Variants in KALRN observed in about 807,000 individuals in gnomAD.
KALRN encodes the protein kalirin RhoGEF kinase, also known as kalirin.
KALRN carries 70 observed loss-of-function variants against 353.7 expected under a neutral mutation model. That is an observed-to-expected ratio of 0.20 (90% CI 0.16 to 0.24). KALRN has a LOEUF of 0.24. KALRN is among the 10% of genes least tolerant of loss of function. The probability of loss-of-function intolerance (pLI) is 1.00; values close to 1 mark genes in which losing one functional copy is unlikely to be tolerated. For missense variants in KALRN, 2,791 were observed against 3,756.7 expected, an observed-to-expected ratio of 0.74 and a Z score of 6.72; for synonymous variants, 1,391 against 1,434.8, an observed-to-expected ratio of 0.97 and a Z score of 0.69.
chr3:124,122,905 T>G (rs935110859), intron 1 of KALRN, among the ~76,000 whole-genome samples: 1 of 152,116 alleles, frequency 6.6e-6, no homozygotes, highest in Non-Finnish European at 1.5e-5. Flanking sequence ...GAAGGCATGT[T>G]AAAGGCTAAG....
chr3:124,581,391 C>A (rs373438545), intron 34 of KALRN, among the ~76,000 whole-genome samples: 167 of 137,428 alleles, frequency 1.2e-3, no homozygotes, highest in Middle Eastern at 3.7e-3. Flanking sequence ...AGACTCTGCT[C>A]AAAAAAAAAA....
chr3:124,043,961 T>C (rs2149095752), intron 1 of KALRN, among the ~76,000 whole-genome samples: 1 of 152,158 alleles, frequency 6.6e-6, no homozygotes, highest in South Asian at 2.1e-4. Flanking sequence ...GAGGGGTCAA[T>C]GTCTGGCCAT....
At chr3:124,094,907 A>G (rs1341311929) in intron 1 of KALRN, 1 of 1,613,648 alleles carries the variant, frequency 6.2e-7, no homozygotes, top group Non-Finnish European at 8.5e-7. Flanking sequence ...GGATCGAGGT[A>G]TCCTGAGTGT....
intron 37 of KALRN, among the ~76,000 whole-genome samples, chr3:124,642,293 CA>C (rs531160384): frequency 4.2e-3 from 407 of 97,230 alleles, no homozygotes; most frequent in African/African-American, 0.015. Context: ...TACAGAAAAA[CA>C]AAAAATTAAA....
intron 1 of KALRN, chr3:124,152,309 A>G: frequency 8.3e-7 from 1 of 1,200,818 alleles, no homozygotes; most frequent in Non-Finnish European, 1.2e-6. Flanking sequence ...ATATTAATTG[A>G]AGTCTTGTTA....
intron 1 of KALRN, among the ~76,000 whole-genome samples, chr3:124,224,400 A>G (rs1470600368): frequency 6.6e-6 from 1 of 152,112 alleles, no homozygotes; most frequent in Non-Finnish European, 1.5e-5. Flanking sequence ...TTGCAAAAAA[A>G]TCTCATAATG....
intron 1 of KALRN, among the ~76,000 whole-genome samples, chr3:124,082,605 A>G (rs747168518): frequency 2.6e-5 from 4 of 152,102 alleles, no homozygotes; most frequent in Non-Finnish European, 5.9e-5. Flanking sequence ...GTGTCCCTTT[A>G]CTCTGGGCAC....
rs148284779 is a variant in KALRN, at chr3:124,176,570, G to A, written c.74-51420G>A. Among the ~76,000 whole-genome samples, 9 of 152,272 alleles carry A rather than the reference G, an allele frequency of 5.9e-5. 1 individual carries two copies. In the East Asian group the frequency reaches 1.7e-3, roughly 29 times the overall value. On this transcript the variant is annotated intron_variant, in intron 1 of 59. Transcript: ENST00000682506. ...GGTATGCACTGTCAAGCCGAAGTTG[G>A]CTGACCCAAACTGTGGAGGGAGACA...
At chr3:124,167,982 A>T (rs996488202) in intron 1 of KALRN, among the ~76,000 whole-genome samples, 1 of 152,154 alleles carries the variant, frequency 6.6e-6, no homozygotes, top group Non-Finnish European at 1.5e-5. Context: ...AGAGTTGTAT[A>T]GTTAGGGAGC....
intron 33 of KALRN, among the ~76,000 whole-genome samples, chr3:124,545,243 T>A (rs760378771): frequency 3.9e-5 from 6 of 152,204 alleles, no homozygotes; most frequent in Non-Finnish European, 8.8e-5. Context: ...TTGCTCTTTT[T>A]TTGTATAGGA....
At chr3:124,461,850 A>G (rs1454995632) in intron 23 of KALRN, 40 bp from the exon 24 acceptor site, 3 of 1,447,972 alleles carry the variant, frequency 2.1e-6, no homozygotes, top group East Asian at 4.5e-5. Flanking sequence ...GAGAGACATT[A>G]TATCTATATC....
chr3:124,173,739 C>A (rs1159171612), intron 1 of KALRN, among the ~76,000 whole-genome samples: 1 of 152,164 alleles, frequency 6.6e-6, no homozygotes, highest in African/African-American at 2.4e-5. Context: ...CCTCAGCCTC[C>A]CGAGTAGCTG....
chr3:124,354,945 G>A (rs1014633247), intron 10 of KALRN, among the ~76,000 whole-genome samples: 6 of 152,186 alleles, frequency 3.9e-5, no homozygotes, highest in Admixed American at 6.5e-5. Flanking sequence ...TAGTGGAGAG[G>A]ACCATAGTCT....
chr3:124,445,167 C>G (rs899540915), intron 19 of KALRN, among the ~76,000 whole-genome samples: 1 of 152,178 alleles, frequency 6.6e-6, no homozygotes, highest in Non-Finnish European at 1.5e-5. Flanking sequence ...AAAGCTTTCT[C>G]TAAACCTCAG....
At chr3:124,706,450 G>A (rs1156948394) in intron 57 of KALRN, among the ~76,000 whole-genome samples, 2 of 152,238 alleles carry the variant, frequency 1.3e-5, no homozygotes, top group Non-Finnish European at 2.9e-5. Context: ...CAAAAGGAAA[G>A]ACTTAAAGAT....
intron 1 of KALRN, among the ~76,000 whole-genome samples, chr3:124,039,688 G>A (rs1337940364): frequency 6.6e-6 from 1 of 152,200 alleles, no homozygotes; most frequent in Non-Finnish European, 1.5e-5. Context: ...TTGAGTAAAT[G>A]TCACCGCCCA....
intron 14 of KALRN, among the ~76,000 whole-genome samples, chr3:124,420,912 T>C (rs889340159): frequency 6.6e-6 from 1 of 152,170 alleles, no homozygotes; most frequent in African/African-American, 2.4e-5. Flanking sequence ...ATCTCCCAAA[T>C]GGGATTTATT....
intron 33 of KALRN, chr3:124,518,375 C>G: frequency 1.2e-6 from 2 of 1,603,382 alleles, no homozygotes; most frequent in Non-Finnish European, 1.7e-6. Flanking sequence ...ATGCAAATCA[C>G]AGAGCCCGGC....
intron 25 of KALRN, 62 bp from the exon 26 acceptor site, chr3:124,474,601 G>A (rs577747545): frequency 3.0e-6 from 4 of 1,332,832 alleles, no homozygotes; most frequent in South Asian, 2.3e-5. Context: ...TGGCCTCAGT[G>A]CAATCCTCTG....
Sources: allele counts gnomAD v4.1 joint callset (sites outside exome capture counted in the v4.1 genomes callset), GRCh38; gene constraint gnomAD v4.1.1; transcripts MANE v1.5; gene names NCBI Gene and HGNC (gene_info 2026-07-23, HGNC 2026-07-21).